BSN: variants seen among roughly 807,000 people sequenced by gnomAD.
BSN encodes protein bassoon.
In BSN, 57 loss-of-function variants were observed where a neutral mutation model predicts 264.8. That is an observed-to-expected ratio of 0.22 (90% CI 0.17 to 0.27). The LOEUF is 0.27. BSN is among the 10% of genes least tolerant of loss of function. BSN has a pLI of 1.00. For synonymous variants in BSN, 2,059 were observed against 2,137.3 expected (o/e 0.96, Z 1.01); for missense variants, 4,615 against 5,232.5 (o/e 0.88, Z 3.64).
At chr3:49,620,161 G>A (rs1409116968) in intron 1 of BSN, among the ~76,000 whole-genome samples, 1 of 152,118 alleles carries the variant, frequency 6.6e-6, no homozygotes, top group Admixed American at 6.6e-5. Context: ...ACTTGAGAGG[G>A]AGCAAGTGTC....
rs774751141 is a variant in BSN at position 49,662,012 on chromosome 3, C to G, written c.10167C>G (p.Pro3389=). 1.1e-5 allele frequency: 17 copies of G among 1,613,764 alleles called. No individual in the cohort carries two copies. In the South Asian group the frequency reaches 1.1e-4, roughly 10 times the overall value. The change falls in exon 6 of 12, where the codon CCC becomes CCG. Residue 3389 remains proline, a synonymous_variant. Coordinates refer to ENST00000296452, the MANE Select transcript of BSN (RefSeq NM_003458.4). ...TAGAGTCAGACCTGGCGTCCTACCC[C>G]CCACCTGCAGTCAGCAGCAGCCTGG... is the stretch of plus-strand genomic sequence containing the variant. The part of the protein sequence containing the change: ...KDVESDLASY[P]PPAVSSSLVS...
At chr3:49,658,548 C>A (rs1342521043) in intron 5 of BSN, among the ~76,000 whole-genome samples, 1 of 152,202 alleles carries the variant, frequency 6.6e-6, no homozygotes, top group Non-Finnish European at 1.5e-5. Context: ...AGTCTGGACC[C>A]CTTCCACTCC....
chr3:49,576,830 C>T (rs1222819252), intron 1 of BSN, among the ~76,000 whole-genome samples: 1 of 152,192 alleles, frequency 6.6e-6, no homozygotes. Context: ...AGGGCCATTG[C>T]AGCATGAGTA....
chr3:49,621,052 T>C (rs2052301998), intron 1 of BSN, among the ~76,000 whole-genome samples: 1 of 151,998 alleles, frequency 6.6e-6, no homozygotes, highest in Non-Finnish European at 1.5e-5. Context: ...GATATACTGC[T>C]GGATTGACTT....
intron 1 of BSN, among the ~76,000 whole-genome samples, chr3:49,565,444 C>T (rs989215283): frequency 2.8e-4 from 43 of 151,586 alleles, no homozygotes; most frequent in African/African-American, 9.0e-4. Flanking sequence ...CCTCAGCCTC[C>T]GGAGTAGCTG....
At chr3:49,659,997 C>A (rs142414823) in intron 5 of BSN, among the ~76,000 whole-genome samples, 7 of 152,234 alleles carry the variant, frequency 4.6e-5, no homozygotes, top group Admixed American at 6.5e-5. Flanking sequence ...TACATGTGTC[C>A]CTTCCCATGA....
At chr3:49,601,099 C>T (rs988048916) in intron 1 of BSN, among the ~76,000 whole-genome samples, 3 of 152,256 alleles carry the variant, frequency 2.0e-5, no homozygotes, top group Admixed American at 6.5e-5. Context: ...TTAGCTCCTG[C>T]GATATGGTCA....
downstream of BSN, among the ~76,000 whole-genome samples, chr3:49,673,087 C>CTTTGTTTTTTTTTTTTT (rs2052847409): frequency 2.3e-5 from 1 of 43,198 alleles, no homozygotes; most frequent in Non-Finnish European, 4.3e-5. Context: ...CCGGCCGGGA[C>CTTTGTTTTTTTTTTTTT]TTTTTTTTTT....
Position 49,654,318 on chromosome 3 carries a change from C to A in BSN, c.4762C>A (p.Gln1588Lys). ...CCCGCTCTGCTCACCTACTGAAACC[C>A]AGCCCACCACCCATGGCTACAGCCA... ...TSPLCSPTET[Q>K]PTTHGYSQTT... is the part of the protein sequence containing the mutation. Residue 1588 changes from glutamine to lysine, a missense_variant, in exon 5 of 12, where the codon CAG becomes AAG. Coordinates refer to ENST00000296452, the MANE Select transcript of BSN (RefSeq NM_003458.4). This position sits in a 1 kb window ranked among gnomAD's most constrained non-coding sequence, Gnocchi z 4.1. 6.2e-7 allele frequency: 1 copy of A among 1,613,700 alleles called. No individual in the cohort carries two copies. Among genetic ancestry groups the A allele is most frequent in the South Asian group, 1.1e-5 (1 of 90,966 alleles).
intron 6 of BSN, 138 bp downstream of exon 6, chr3:49,662,700 G>A (rs2052670992): frequency 8.1e-7 from 1 of 1,241,698 alleles, no homozygotes; most frequent in Non-Finnish European, 1.0e-6. Context: ...CAGGCAGGCT[G>A]CCCTTGCCTG....
intron 2 of BSN, among the ~76,000 whole-genome samples, chr3:49,634,060 T>G (rs1203952312): frequency 2.0e-5 from 3 of 151,920 alleles, no homozygotes; most frequent in African/African-American, 7.3e-5. Flanking sequence ...AAAAAAAAAT[T>G]AGCGGGGTGT....
chr3:49,611,051 A>G (rs1416443731), intron 1 of BSN, among the ~76,000 whole-genome samples: 1 of 152,154 alleles, frequency 6.6e-6, no homozygotes, highest in Admixed American at 6.5e-5. Context: ...GTCTCTCATC[A>G]GTATTGGGTC....
intron 2 of BSN, among the ~76,000 whole-genome samples, chr3:49,626,550 A>T (rs2052342348): frequency 6.6e-6 from 1 of 152,072 alleles, no homozygotes; most frequent in African/African-American, 2.4e-5. Context: ...CATGCTCGTG[A>T]TTATTGCATC....
intron 1 of BSN, among the ~76,000 whole-genome samples, chr3:49,555,122 G>T (rs1310362975): frequency 6.6e-6 from 1 of 152,192 alleles, no homozygotes; most frequent in East Asian, 1.9e-4. Context: ...CTCAGGAGGG[G>T]CTTATGTAAC....
chr3:49,605,201 AG>A (rs1020665305), intron 1 of BSN, among the ~76,000 whole-genome samples: 27 of 141,202 alleles, frequency 1.9e-4, no homozygotes, highest in Non-Finnish European at 3.3e-4. Context: ...TGGAGGTTGC[AG>A]TGGAGACCAT....
intron 1 of BSN, among the ~76,000 whole-genome samples, chr3:49,572,739 T>C (rs988956252): frequency 4.6e-5 from 7 of 152,182 alleles, no homozygotes; most frequent in African/African-American, 1.7e-4. Context: ...TTCACCATGT[T>C]AGCCAGGATG....
rs2052739784 is a variant in BSN at position 49,669,450 on chromosome 3, C to G, written c.*1965C>G. ...TACCCCAACCCTGAGCCAGAGGCAT[C>G]TGACAGCCCTTTCCCAGAGGGCACC... On this transcript the variant is annotated 3_prime_UTR_variant, in exon 12 of 12. Transcript: ENST00000296452. 6.5e-6 allele frequency: 1 copy of G among 152,788 alleles called. No individual in the cohort carries two copies. 9.5% of individuals were successfully genotyped at this position (152,788 alleles called of 1,614,324 possible).
chr3:49,622,525 A>T (rs1049331767), intron 1 of BSN, among the ~76,000 whole-genome samples: 5 of 152,210 alleles, frequency 3.3e-5, no homozygotes, highest in African/African-American at 9.7e-5. Flanking sequence ...GTCACTGTAT[A>T]TATAGATTGC....
At chr3:49,591,208 A>G (rs917870925) in intron 1 of BSN, among the ~76,000 whole-genome samples, 5 of 152,164 alleles carry the variant, frequency 3.3e-5, no homozygotes, top group South Asian at 2.1e-4. Context: ...CCTTACTTCA[A>G]TACAGCTTTG....
Sources: gnomAD v4.1 joint callset for allele counts (sites outside exome capture counted in the v4.1 genomes callset) on GRCh38, gnomAD v4.1.1 for gene constraint, Gnocchi (gnomAD v3.1) non-coding constraint, MANE v1.5 for transcripts, NCBI Gene and HGNC (gene_info 2026-07-23, HGNC 2026-07-21) for gene names.